OCA2: variants seen among roughly 807,000 people sequenced by gnomAD.
OCA2 encodes OCA2 melanosomal transmembrane protein, also known as P protein.
OCA2 carries 77 observed loss-of-function variants against 100.2 expected under a neutral mutation model. That is an observed-to-expected ratio of 0.77 (90% CI 0.64 to 0.93). The LOEUF (loss-of-function observed/expected upper bound fraction) is 0.93, where lower values mean the gene tolerates loss of function less well. OCA2 is among the 40% of genes least tolerant of loss of function. OCA2 has a pLI of 0.00. For missense variants in OCA2, 1,062 were observed against 1,089.1 expected, an observed-to-expected ratio of 0.98 and a Z score of 0.35; for synonymous variants, 432 against 439.2, an observed-to-expected ratio of 0.98 and a Z score of 0.21.
the OCA2 span, among the ~76,000 whole-genome samples, chr15:27,742,148 G>A: frequency 8.5e-5 from 13 of 152,192 alleles, no homozygotes; most frequent in Admixed American, 3.9e-4. Context: ...AGAGCACCAT[G>A]CCAGGTCCAG....
chr15:27,870,806 A>AGAG (rs2036530957), intron 21 of OCA2, among the ~76,000 whole-genome samples: 1 of 90,080 alleles, frequency 1.1e-5, no homozygotes, highest in African/African-American at 4.8e-5. Context: ...GAAAGAAAGA[A>AGAG]AGAAAGAGAG....
At chr15:27,983,245 G>A in intron 14 of OCA2, 100 bp downstream of exon 14, 1 of 1,434,124 alleles carries the variant, frequency 7.0e-7, no homozygotes, top group Non-Finnish European at 9.8e-7. Flanking sequence ...GAGGTGGCGT[G>A]ATGATCTTGA....
At chr15:27,863,729 T>C (rs1475964811) in intron 21 of OCA2, among the ~76,000 whole-genome samples, 1 of 152,208 alleles carries the variant, frequency 6.6e-6, no homozygotes, top group Non-Finnish European at 1.5e-5. Flanking sequence ...TTTTGTTCTG[T>C]ACCTGCACAT....
At chr15:27,727,088 G>A in the OCA2 span, among the ~76,000 whole-genome samples, 47 of 152,322 alleles carry the variant, frequency 3.1e-4, no homozygotes, top group African/African-American at 1.1e-3. Flanking sequence ...GTTAGAAGGC[G>A]CACCATGTGC....
chr15:28,095,309 A>G (rs1031445566), intron 1 of OCA2, among the ~76,000 whole-genome samples: 4 of 151,938 alleles, frequency 2.6e-5, no homozygotes, highest in Admixed American at 1.3e-4. Context: ...CGCCCGGGGG[A>G]CCGCGGCCCT....
intron 23 of OCA2, among the ~76,000 whole-genome samples, chr15:27,775,952 A>G (rs909727739): frequency 1.3e-5 from 2 of 152,216 alleles, no homozygotes; most frequent in African/African-American, 4.8e-5. Context: ...TTGCGGGGAC[A>G]TGGTTTAGTC....
At chr15:28,017,346 G>A (rs534296764) in intron 7 of OCA2, among the ~76,000 whole-genome samples, 102 of 152,144 alleles carry the variant, frequency 6.7e-4, no homozygotes, top group African/African-American at 2.3e-3. Context: ...GAGCAGGGAG[G>A]TGCCATACAG....
chr15:28,064,161 G>A (rs1052370227), intron 2 of OCA2, among the ~76,000 whole-genome samples: 1 of 152,038 alleles, frequency 6.6e-6, no homozygotes, highest in Non-Finnish European at 1.5e-5. Flanking sequence ...AAAATCAACT[G>A]TGCATGTAAT....
chr15:27,831,284 CAAA>C (rs71132824), intron 23 of OCA2, among the ~76,000 whole-genome samples: 10 of 62,628 alleles, frequency 1.6e-4, no homozygotes, highest in South Asian at 2.2e-3. Context: ...GACTCCGTCT[CAAA>C]AAAAAAAAAA....
At chr15:27,850,561 A>C (rs1298836300) in intron 22 of OCA2, among the ~76,000 whole-genome samples, 1 of 152,136 alleles carries the variant, frequency 6.6e-6, no homozygotes, top group African/African-American at 2.4e-5. Context: ...GGCATCAGTC[A>C]CTGACTTACA....
chr15:27,771,528 G>C (rs917848093), intron 23 of OCA2, among the ~76,000 whole-genome samples: 1 of 152,238 alleles, frequency 6.6e-6, no homozygotes, highest in African/African-American at 2.4e-5. Flanking sequence ...TGAGGTGGCT[G>C]CAGGGGTGAC....
chr15:28,063,044 T>G (rs1418411583), intron 2 of OCA2, among the ~76,000 whole-genome samples: 1 of 152,190 alleles, frequency 6.6e-6, no homozygotes, highest in Non-Finnish European at 1.5e-5. Flanking sequence ...CTGGATTGCT[T>G]GCATTTCTCT....
chr15:27,983,775 C>T (rs527589452), intron 13 of OCA2, among the ~76,000 whole-genome samples: 1 of 152,090 alleles, frequency 6.6e-6, no homozygotes, highest in South Asian at 2.1e-4. Context: ...GCACTGGCCC[C>T]CAGGGCAGGG....
At chr15:27,880,155 T>C (rs1162534839) in intron 19 of OCA2, among the ~76,000 whole-genome samples, 1 of 152,154 alleles carries the variant, frequency 6.6e-6, no homozygotes, top group Non-Finnish European at 1.5e-5. Context: ...GAAGATCAGA[T>C]GGTTGTAGAT....
At chr15:27,812,154 C>T (rs1180463217) in intron 23 of OCA2, among the ~76,000 whole-genome samples, 1 of 152,148 alleles carries the variant, frequency 6.6e-6, no homozygotes, top group Non-Finnish European at 1.5e-5. Flanking sequence ...AGCGAAGACC[C>T]CTCATCAGTC....
intron 5 of OCA2, 68 bp from the exon 6 acceptor site, chr15:28,022,641 A>G (rs540679518): frequency 2.6e-5 from 32 of 1,215,264 alleles, no homozygotes; most frequent in Middle Eastern, 1.9e-4. Context: ...AATCATTTTG[A>G]TAACAGTCGA....
At chr15:27,820,229 G>A (rs7176680) in intron 23 of OCA2, among the ~76,000 whole-genome samples, 65,309 of 152,096 alleles carry the variant, frequency 0.43, 14,470 homozygotes, top group South Asian at 0.62. Context: ...TCCTCCTCGA[G>A]CGGGGAGCAA....
chr15:27,729,289 A>ATTTTTTTTTTTTTTTTTTT, the OCA2 span, among the ~76,000 whole-genome samples: 1 of 111,218 alleles, frequency 9.0e-6, no homozygotes, highest in South Asian at 3.3e-4. Flanking sequence ...ATTATCATCT[A>ATTTTTTTTTTTTTTTTTTT]TTTTTTTTTT....
In OCA2 at chr15:28,014,558, A is replaced by G. The variant is rs1020043003; in HGVS notation, c.1044+218T>C. ...TTTTCTCAGGTACACTTCTGCTCCT[A>G]AAGTCCATCCTTCTCATGTCAGTTG... On this transcript the variant is annotated intron_variant, in intron 9 of 23. Coordinates refer to ENST00000354638, the MANE Select transcript of OCA2 (RefSeq NM_000275.3). Among the ~76,000 whole-genome samples the G allele has an allele frequency of 2.0e-5, 3 of 152,210 alleles. No individual in the cohort carries two copies. In the South Asian group the frequency reaches 6.2e-4, roughly 32 times the overall value.
Sources: allele counts gnomAD v4.1 joint callset (sites outside exome capture counted in the v4.1 genomes callset), GRCh38; gene constraint gnomAD v4.1.1; transcripts MANE v1.5; gene names NCBI Gene and HGNC (gene_info 2026-07-23, HGNC 2026-07-21).